The following ST6GALNAC3 variants were observed in gnomAD, a reference collection of about 807,000 sequenced individuals.
ST6GALNAC3 encodes alpha-N-acetylgalactosaminide alpha-2,6-sialyltransferase 3.
Under a neutral mutation model 32.7 loss-of-function variants are expected in ST6GALNAC3, and 25 were observed. The observed-to-expected ratio is 0.76, with a 90% CI of 0.56 to 1.07. The LOEUF (loss-of-function observed/expected upper bound fraction) is 1.07. Among genes scored for constraint, ST6GALNAC3 ranks in the 50% least tolerant of loss-of-function variants. The pLI is 0.00. For missense variants in ST6GALNAC3, 355 were observed against 382.4 expected, an observed-to-expected ratio of 0.93 and a Z score of 0.60; for synonymous variants, 129 against 133.1, an observed-to-expected ratio of 0.97 and a Z score of 0.21.
intron 1 of ST6GALNAC3, among the ~76,000 whole-genome samples, chr1:76,197,745 G>C (rs1045219420): frequency 3.9e-5 from 6 of 152,102 alleles, no homozygotes; most frequent in Non-Finnish European, 5.9e-5. Context: ...GATTAGGCAG[G>C]ACCCTCTAAG....
intron 1 of ST6GALNAC3, among the ~76,000 whole-genome samples, chr1:76,085,991 T>C (rs1206620815): frequency 6.6e-6 from 1 of 152,250 alleles, no homozygotes. Context: ...CAGGCCACTA[T>C]GCACACTGAA....
chr1:76,249,772 A>G (rs969042188), intron 1 of ST6GALNAC3, among the ~76,000 whole-genome samples: 9 of 152,150 alleles, frequency 5.9e-5, no homozygotes, highest in Non-Finnish European at 1.0e-4. Flanking sequence ...AACACTTACT[A>G]TTGTCCATCT....
intron 1 of ST6GALNAC3, among the ~76,000 whole-genome samples, chr1:76,255,737 A>G (rs1188625178): frequency 6.6e-6 from 1 of 152,062 alleles, no homozygotes; most frequent in African/African-American, 2.4e-5. Context: ...TCCTGTTATG[A>G]AACTGTGGGT....
chr1:76,232,733 G>A (rs1205996876), intron 1 of ST6GALNAC3, among the ~76,000 whole-genome samples: 1 of 152,240 alleles, frequency 6.6e-6, no homozygotes, highest in African/African-American at 2.4e-5. Context: ...AACCTGTGTT[G>A]TTGAAGAAGC....
chr1:76,095,758 G>A (rs1037573311), intron 1 of ST6GALNAC3, among the ~76,000 whole-genome samples: 2 of 152,156 alleles, frequency 1.3e-5, no homozygotes, highest in Non-Finnish European at 2.9e-5. Flanking sequence ...GGGAAGGAGT[G>A]TGGGAGGGGT....
Position 76,135,395 on chromosome 1 carries a change from T to C in ST6GALNAC3, c.18+60511T>C, listed in dbSNP as rs75230544. Reference sequence around the variant, plus strand: ...TTAAAAATGAACCAAATATTGAACATCTACTGATATGATGGAAACTGAATT... The same window carrying C: ...TTAAAAATGAACCAAATATTGAACACCTACTGATATGATGGAAACTGAATT... On this transcript the variant is annotated intron_variant, in intron 1 of 4. Transcript: ENST00000328299. Among the ~76,000 whole-genome samples the C allele has an allele frequency of 8.0e-4, 122 of 152,328 alleles. No homozygotes were observed. In the East Asian group the frequency reaches 0.019, roughly 24 times the overall value.
At chr1:76,599,036 T>C (rs993300790) in intron 3 of ST6GALNAC3, among the ~76,000 whole-genome samples, 9 of 152,210 alleles carry the variant, frequency 5.9e-5, no homozygotes, top group African/African-American at 2.2e-4. Flanking sequence ...TGCTTCTTTT[T>C]TCATGGTTGT....
At position 76,407,369 on chromosome 1, in the gene ST6GALNAC3, G is replaced by A. The variant is rs111685538; in HGVS notation, c.214-4639G>A. Among the ~76,000 whole-genome samples the A allele has an allele frequency of 6.9e-3, 1,055 of 152,190 alleles. 8 individuals carry two copies. Among genetic ancestry groups the A allele is most frequent in the Middle Eastern group, 0.014 (4 of 294 alleles). Reference sequence around the variant, plus strand: ...ATTCTTAACTCCTCCCAAGCTGATTGTTTTGAAACCAGATGTGCTGGTATA... The same window carrying A: ...ATTCTTAACTCCTCCCAAGCTGATTATTTTGAAACCAGATGTGCTGGTATA... On this transcript the variant is annotated intron_variant, in intron 2 of 4. Coordinates refer to ENST00000328299, the MANE Select transcript of ST6GALNAC3 (RefSeq NM_152996.4).
In ST6GALNAC3 at chr1:76,282,692, TA is replaced by T. The variant is rs532502631; in HGVS notation, c.19-31111del. The stretch of plus-strand genomic sequence containing the variant: ...TTTTAGATTACTAGAAATATTCTTG[TA>T]ACAATGTCTTATGGAGAACCCACTG... On this transcript the variant is annotated intron_variant, in intron 1 of 4. Coordinates refer to ENST00000328299, the MANE Select transcript of ST6GALNAC3 (RefSeq NM_152996.4). 1.3e-3 allele frequency among the ~76,000 whole-genome samples: 193 copies of T among 152,224 alleles called. 2 individuals are homozygous for T. Among genetic ancestry groups the T allele is most frequent in the Non-Finnish European group, 1.9e-3 (127 of 68,024 alleles).
chr1:76,441,575 T>A (rs1656610472), intron 3 of ST6GALNAC3, among the ~76,000 whole-genome samples: 1 of 152,222 alleles, frequency 6.6e-6, no homozygotes, highest in South Asian at 2.1e-4. Context: ...TACAGCATGA[T>A]GAATAGGGTA....
chr1:76,156,851 C>G (rs1449351631), intron 1 of ST6GALNAC3, among the ~76,000 whole-genome samples: 1 of 152,208 alleles, frequency 6.6e-6, no homozygotes, highest in African/African-American at 2.4e-5. Flanking sequence ...CCTGCCTCAG[C>G]CTCCCAAGTA....
At chr1:76,391,851 A>T (rs1652589705) in intron 2 of ST6GALNAC3, among the ~76,000 whole-genome samples, 1 of 152,198 alleles carries the variant, frequency 6.6e-6, no homozygotes, top group Non-Finnish European at 1.5e-5. Context: ...TACAATTAGT[A>T]TTATTCTAAG....
At chr1:76,608,453 T>C (rs1647703591) in intron 3 of ST6GALNAC3, among the ~76,000 whole-genome samples, 1 of 152,106 alleles carries the variant, frequency 6.6e-6, no homozygotes, top group Non-Finnish European at 1.5e-5. Flanking sequence ...ATAAATGTTG[T>C]GGATAAAAGT....
intron 1 of ST6GALNAC3, among the ~76,000 whole-genome samples, chr1:76,269,814 A>G (rs2100751834): frequency 6.6e-6 from 1 of 152,306 alleles, no homozygotes; most frequent in East Asian, 1.9e-4. Context: ...TACACCCTCC[A>G]AAATCTGAGA....
chr1:76,203,739 A>G (rs1570423124), intron 1 of ST6GALNAC3, among the ~76,000 whole-genome samples: 1 of 152,342 alleles, frequency 6.6e-6, no homozygotes, highest in Non-Finnish European at 1.5e-5. Flanking sequence ...GTATTCTACT[A>G]TATAGATATA....
intron 3 of ST6GALNAC3, among the ~76,000 whole-genome samples, chr1:76,475,278 G>T (rs1016824569): frequency 2.0e-5 from 3 of 152,158 alleles, no homozygotes; most frequent in Admixed American, 1.3e-4. Flanking sequence ...ACTGAGTTTA[G>T]GTCCTTGTCC....
At chr1:76,333,945 C>T (rs1210006437) in intron 2 of ST6GALNAC3, among the ~76,000 whole-genome samples, 1 of 152,080 alleles carries the variant, frequency 6.6e-6, no homozygotes, top group Non-Finnish European at 1.5e-5. Context: ...AATTAATTTT[C>T]CAAGATCATA....
At chr1:76,266,447 G>C (rs1251897146) in intron 1 of ST6GALNAC3, among the ~76,000 whole-genome samples, 1 of 152,138 alleles carries the variant, frequency 6.6e-6, no homozygotes, top group Non-Finnish European at 1.5e-5. Flanking sequence ...TATTTTATTG[G>C]GACCAGACCC....
intron 1 of ST6GALNAC3, among the ~76,000 whole-genome samples, chr1:76,311,053 G>T (rs1182230111): frequency 6.6e-6 from 1 of 152,080 alleles, no homozygotes; most frequent in Non-Finnish European, 1.5e-5. Context: ...CCTGTCAGTA[G>T]CCCAAGTTCT....
Sources: gnomAD v4.1 joint callset for allele counts (sites outside exome capture counted in the v4.1 genomes callset) on GRCh38, gnomAD v4.1.1 for gene constraint, MANE v1.5 for transcripts, NCBI Gene and HGNC (gene_info 2026-07-23, HGNC 2026-07-21) for gene names.